IL4R: variants seen among roughly 807,000 people sequenced by gnomAD.
IL4R encodes interleukin 4 receptor, also known as interleukin-4 receptor subunit alpha.
IL4R carries 17 observed loss-of-function variants against 41.5 expected under a neutral mutation model. That is an observed-to-expected ratio of 0.41 (90% CI 0.28 to 0.61). The LOEUF is 0.61. Among genes scored for constraint, IL4R ranks in the 20% least tolerant of loss-of-function variants. The probability of loss-of-function intolerance (pLI) is 0.31; values close to 1 mark genes in which losing one functional copy is unlikely to be tolerated. For missense variants in IL4R, 974 were observed against 1,043.1 expected (o/e 0.93, Z 0.91); for synonymous variants, 402 against 422.9 (o/e 0.95, Z 0.61).
In IL4R at chr16:27,362,753, G is replaced by A; in HGVS notation, c.1401G>A (p.Leu467=). 1 of 1,614,098 alleles carries A rather than the reference G, an allele frequency of 6.2e-7. No homozygotes were observed. Among genetic ancestry groups the A allele is most frequent in the Non-Finnish European group, 8.5e-7 (1 of 1,180,006 alleles). ...PPWGKEQPLH[L]EPSPPASPTQ... is the part of the protein sequence containing the mutation. ...GGGGCAAGGAGCAGCCTCTCCACCT[G>A]GAGCCAAGTCCTCCTGCCAGCCCGA... Residue 467 remains leucine, a synonymous_variant, in exon 11 of 11, where the codon CTG becomes CTA. Transcript: ENST00000395762.
chr16:27,346,350 A>G (rs1210019523), intron 5 of IL4R, 117 bp from the exon 6 acceptor site: 4 of 814,780 alleles, frequency 4.9e-6, no homozygotes, highest in Admixed American at 2.1e-5. Flanking sequence ...GAAGTATGCT[A>G]TGGAGGTTTT....
Position 27,362,652 on chromosome 16 carries a change from C to T in IL4R, c.1300C>T (p.Pro434Ser). Reference protein sequence around the residue: ...QQDMGESCLLPPSGSTSAHMP... With the variant: ...QQDMGESCLLSPSGSTSAHMP... Reference sequence around the variant, plus strand: ...GGACATGGGGGAGTCATGCCTTCTTCCACCTTCGGGAAGTACGAGTGCTCA... The same window carrying T: ...GGACATGGGGGAGTCATGCCTTCTTTCACCTTCGGGAAGTACGAGTGCTCA... The change falls in exon 11 of 11, where the codon CCA (proline) becomes TCA (serine). Residue 434 changes from proline to serine, a missense_variant. Pro to Ser is a moderately conservative substitution (Grantham distance 74). Coordinates refer to ENST00000395762, the MANE Select transcript of IL4R (RefSeq NM_000418.4). 5.6e-6 allele frequency: 9 copies of T among 1,614,112 alleles called. No individual in the cohort carries two copies. The highest frequency in any genetic ancestry group is 7.6e-6 in the Non-Finnish European group (9 of 1,179,998).
At position 27,352,523 on chromosome 16, in the gene IL4R, TC is replaced by T; in HGVS notation, c.514-14del. ...CGCCCCCGGCTGGTGCCCTAACATC[TC>T]CCTTTTCTCTACCAGTTCAGAATCT... On this transcript the variant is annotated splice_polypyrimidine_tract_variant and intron_variant, in intron 6 of 10. Transcript: ENST00000395762. 5 of 1,611,706 alleles carry T rather than the reference TC, an allele frequency of 3.1e-6. No individual in the cohort carries two copies. The highest frequency in any genetic ancestry group is 4.2e-6 in the Non-Finnish European group (5 of 1,178,108).
intron 9 of IL4R, 86 bp downstream of exon 9, chr16:27,359,080 C>G (rs1475176888): frequency 1.0e-6 from 1 of 991,904 alleles, no homozygotes; most frequent in African/African-American, 1.6e-5. Flanking sequence ...AGGACCTTCA[C>G]TGGCTTCTGG....
intron 10 of IL4R, 133 bp downstream of exon 10, chr16:27,360,948 G>A (rs1363235462): frequency 6.4e-7 from 1 of 1,569,010 alleles, no homozygotes; most frequent in African/African-American, 1.4e-5. Flanking sequence ...AGCCTTCAAG[G>A]GACGGCAGGA....
chr16:27,342,045 T>C, intron 3 of IL4R, 76 bp from the exon 4 acceptor site: 1 of 1,535,992 alleles, frequency 6.5e-7, no homozygotes, highest in Non-Finnish European at 8.9e-7. Context: ...GCTATTCCCC[T>C]TGGTCCTGTT....
Position 27,346,628 on chromosome 16 carries a change from C to A in IL4R, c.513+10C>A. Reference sequence around the variant, plus strand: ...AAACGACCCGGCAGATGTGAGTGGGCATGCTTTGACGTTTTTCTGTGACCT... The same window carrying A: ...AAACGACCCGGCAGATGTGAGTGGGAATGCTTTGACGTTTTTCTGTGACCT... On this transcript the variant is annotated intron_variant, in intron 6 of 10. Transcript: ENST00000395762. 6.2e-7 allele frequency: 1 copy of A among 1,613,588 alleles called. No individual in the cohort carries two copies. Among genetic ancestry groups the A allele is most frequent in the Non-Finnish European group, 8.5e-7 (1 of 1,179,868 alleles).
intron 10 of IL4R, 85 bp from the exon 11 acceptor site, chr16:27,362,167 T>C: frequency 7.6e-7 from 1 of 1,307,730 alleles, no homozygotes; most frequent in South Asian, 1.3e-5. Flanking sequence ...CATCAGGACA[T>C]GGTGATTTCA....
chr16:27,344,792 G>A lies in IL4R; in HGVS notation c.210-77G>A. 7 of 1,418,460 alleles carry A rather than the reference G, an allele frequency of 4.9e-6. No homozygotes were observed. The South Asian group carries it at 8.5e-5, about 17-fold the overall frequency. 87.9% of individuals were successfully genotyped at this position (1,418,460 alleles called of 1,614,324 possible). On this transcript the variant is annotated intron_variant, in intron 4 of 10. Coordinates refer to ENST00000395762, the MANE Select transcript of IL4R (RefSeq NM_000418.4). ...CTGGAAGAGTCTGATGCGGTTCCTG[G>A]AGGCATGTCCCGGACACAGCTGTGG...
At chr16:27,355,674 T>G in intron 7 of IL4R, 134 bp from the exon 8 acceptor site, 2 of 614,090 alleles carry the variant, frequency 3.3e-6, no homozygotes, top group South Asian at 1.8e-5. Flanking sequence ...GGAGATGAGG[T>G]GGAGGGGTGG....
intron 1 of IL4R, among the ~76,000 whole-genome samples, chr16:27,316,792 A>T (rs1027050314): frequency 6.6e-6 from 1 of 152,186 alleles, no homozygotes; most frequent in African/African-American, 2.4e-5. Flanking sequence ...TTCTGCATTT[A>T]TGAGATTATA....
At position 27,363,641 on chromosome 16, in the gene IL4R, C is replaced by T. The variant is rs1279502585; in HGVS notation, c.2289C>T (p.Asp763=). ...CTACAACCCCCCTGAGGGCCCCAGA[C>T]CCCTCTCCAGGTGGGGTTCCACTGG... is the stretch of plus-strand genomic sequence containing the variant. ...SPPTTPLRAP[D]PSPGGVPLEA... is the part of the protein sequence containing the mutation. The change falls in exon 11 of 11, where the codon GAC becomes GAT. Residue 763 remains aspartate, a synonymous_variant. Transcript: ENST00000395762. 1 of 1,613,614 alleles carries T rather than the reference C, an allele frequency of 6.2e-7. No individual in the cohort carries two copies. Among genetic ancestry groups the T allele is most frequent in the Non-Finnish European group, 8.5e-7 (1 of 1,179,920 alleles).
intron 7 of IL4R, chr16:27,355,527 T>A: frequency 2.5e-6 from 1 of 400,724 alleles, no homozygotes; most frequent in South Asian, 2.4e-5. Flanking sequence ...CCTAAGTTGG[T>A]GCATTTGACT....
intron 3 of IL4R, among the ~76,000 whole-genome samples, chr16:27,340,726 A>G (rs1440694561): frequency 2.6e-5 from 4 of 152,160 alleles, no homozygotes. Flanking sequence ...TGTCAAAAAA[A>G]AAGAGAAGGT....
intron 1 of IL4R, among the ~76,000 whole-genome samples, chr16:27,324,333 C>G (rs1217706599): frequency 1.3e-5 from 2 of 152,196 alleles, no homozygotes. Flanking sequence ...CCAGGATTTG[C>G]TAGTGTTTGC....
intron 7 of IL4R, chr16:27,355,269 GA>G: frequency 3.5e-6 from 1 of 285,382 alleles, no homozygotes. Context: ...GGGTGTCGGG[GA>G]AAACTTTTTG....
In IL4R at chr16:27,340,348, C is replaced by A. The variant is rs1464825405; in HGVS notation, c.70+75C>A. On this transcript the variant is annotated intron_variant, in intron 3 of 10. Transcript: ENST00000395762. ...CAGGGTCCTGCAGTATGTCACCTGG[C>A]CTTATGGAGATTACACTGCAGTGGG... 15 of 1,110,944 alleles carry A rather than the reference C, an allele frequency of 1.4e-5. No individual in the cohort carries two copies. The African/African-American group carries it at 2.3e-4, about 17-fold the overall frequency. The allele number at this position is 1,110,944 out of a possible 1,614,324, so 68.8% of individuals were successfully genotyped here.
intron 2 of IL4R, among the ~76,000 whole-genome samples, chr16:27,336,650 C>T (rs2085267445): frequency 7.3e-6 from 1 of 136,618 alleles, no homozygotes; most frequent in East Asian, 2.1e-4. Context: ...TACACTCTAG[C>T]TTGGGTAACA....
intron 7 of IL4R, chr16:27,355,549 G>A (rs190993905): frequency 2.5e-5 from 11 of 433,266 alleles, no homozygotes; most frequent in African/African-American, 1.4e-4. Flanking sequence ...CTGTGCTTCC[G>A]GAAAGAAAGA....
Sources: allele counts gnomAD v4.1 joint callset (sites outside exome capture counted in the v4.1 genomes callset), GRCh38; gene constraint gnomAD v4.1.1; transcripts MANE v1.5; gene names NCBI Gene and HGNC (gene_info 2026-07-23, HGNC 2026-07-21).